CNIH3: variants seen among roughly 807,000 people sequenced by gnomAD.
CNIH3 encodes protein cornichon homolog 3.
CNIH3 carries 14 observed loss-of-function variants against 24.1 expected under a neutral mutation model. The observed-to-expected ratio is 0.58, with a 90% CI of 0.38 to 0.91. The LOEUF (loss-of-function observed/expected upper bound fraction) is 0.91. CNIH3 is among the 40% of genes least tolerant of loss of function. The pLI, the probability that CNIH3 is intolerant of heterozygous loss-of-function variation, is 0.00. For missense variants in CNIH3, 178 were observed against 196.8 expected, an observed-to-expected ratio of 0.90 and a Z score of 0.57; for synonymous variants, 68 against 73.8, an observed-to-expected ratio of 0.92 and a Z score of 0.40.
chr1:224,671,314 A>G (rs1271310993), intron 1 of CNIH3, among the ~76,000 whole-genome samples: 1 of 152,182 alleles, frequency 6.6e-6, no homozygotes, highest in Admixed American at 6.5e-5. Flanking sequence ...TGGAAGTTCA[A>G]CTTCCTCTCC....
intron 1 of CNIH3, among the ~76,000 whole-genome samples, chr1:224,462,749 C>T (rs1485024274): frequency 1.3e-5 from 2 of 150,450 alleles, no homozygotes; most frequent in Non-Finnish European, 3.0e-5. Flanking sequence ...AGGTGATCCT[C>T]CCACCTCAGC....
rs978716096 is a variant in CNIH3, at chr1:224,458,256, C to T, written n.203+23394C>T. On this transcript the variant is annotated intron_variant and non_coding_transcript_variant, in intron 1 of 5. Coordinates refer to the CNIH3 transcript ENST00000471578. The surrounding 1 kb of genome is among the most constrained non-coding windows in gnomAD (Gnocchi z 4.3). The stretch of plus-strand genomic sequence containing the variant: ...CATCGTGTGGCTAGGGTGCCAAAGC[C>T]GAGAAAGGTCCCGTAGTCCCTGTGT... 1.4e-4 allele frequency among the ~76,000 whole-genome samples: 21 copies of T among 152,128 alleles called. No homozygotes were observed. Among genetic ancestry groups the T allele is most frequent in the African/African-American group, 4.8e-4 (20 of 41,406 alleles).
intron 1 of CNIH3, among the ~76,000 whole-genome samples, chr1:224,482,541 C>T (rs965266542): frequency 2.6e-5 from 4 of 152,030 alleles, no homozygotes; most frequent in Non-Finnish European, 5.9e-5. Context: ...TGTTTAGGAG[C>T]TAGGCCCTAG....
At chr1:224,468,979 C>A (rs964585427) in intron 1 of CNIH3, among the ~76,000 whole-genome samples, 18 of 152,012 alleles carry the variant, frequency 1.2e-4, no homozygotes, top group Middle Eastern at 3.2e-3. Context: ...CCTCTCTAAT[C>A]CTAGTTTGTG....
At chr1:224,630,781 G>A (rs1683779431) in intron 1 of CNIH3, among the ~76,000 whole-genome samples, 1 of 152,192 alleles carries the variant, frequency 6.6e-6, no homozygotes, top group African/African-American at 2.4e-5. Flanking sequence ...GGGTGCTTGT[G>A]AGTGTAATTA....
At chr1:224,647,302 C>G (rs757829721) in intron 1 of CNIH3, among the ~76,000 whole-genome samples, 1 of 152,238 alleles carries the variant, frequency 6.6e-6, no homozygotes, top group Non-Finnish European at 1.5e-5. Flanking sequence ...ATTTCAGTGC[C>G]TCTCTGGGCT....
At chr1:224,552,160 A>AC (rs1227656956) in intron 3 of CNIH3, among the ~76,000 whole-genome samples, 1 of 151,424 alleles carries the variant, frequency 6.6e-6, no homozygotes, top group Non-Finnish European at 1.5e-5. Context: ...CAGGGTGTAT[A>AC]CCCCCTGTGA....
At chr1:224,577,361 G>GA (rs545293115) in intron 4 of CNIH3, among the ~76,000 whole-genome samples, 3 of 151,494 alleles carry the variant, frequency 2.0e-5, no homozygotes, top group Non-Finnish European at 2.9e-5. Context: ...AAATCAGCAA[G>GA]AAAAAAACCA....
intron 1 of CNIH3, among the ~76,000 whole-genome samples, chr1:224,632,364 G>A (rs146242269): frequency 9.6e-4 from 146 of 152,240 alleles, no homozygotes; most frequent in Middle Eastern, 3.4e-3. Context: ...CAGATACCTA[G>A]GTTATCCTGC....
intron 1 of CNIH3, among the ~76,000 whole-genome samples, chr1:224,454,774 C>T (rs1418562921): frequency 2.6e-5 from 4 of 152,110 alleles, no homozygotes; most frequent in Non-Finnish European, 5.9e-5. Context: ...AGGCATTTTA[C>T]CTGGCTGAGT....
At chr1:224,546,430 G>A (rs193169959) in intron 2 of CNIH3, among the ~76,000 whole-genome samples, 2 of 152,272 alleles carry the variant, frequency 1.3e-5, no homozygotes, top group East Asian at 3.9e-4. Flanking sequence ...CATGAATTAG[G>A]AGAGACACGA....
chr1:224,506,739 C>T (rs953765155), intron 1 of CNIH3, among the ~76,000 whole-genome samples: 1 of 152,154 alleles, frequency 6.6e-6, no homozygotes, highest in African/African-American at 2.4e-5. Context: ...ACTAGAACTT[C>T]ACATATGTTA....
At chr1:224,441,705 C>G (rs1558460159) in intron 1 of CNIH3, among the ~76,000 whole-genome samples, 1 of 152,084 alleles carries the variant, frequency 6.6e-6, no homozygotes, top group African/African-American at 2.4e-5. Context: ...GCATTTAAAA[C>G]AGAAAAATTT....
chr1:224,442,998 A>G (rs1364698418), intron 1 of CNIH3, among the ~76,000 whole-genome samples: 4 of 152,190 alleles, frequency 2.6e-5, no homozygotes, highest in Admixed American at 2.6e-4. Flanking sequence ...TAAGCCCATT[A>G]GGGACACTAA....
chr1:224,652,487 A>C (rs1572661728), intron 1 of CNIH3, among the ~76,000 whole-genome samples: 1 of 152,082 alleles, frequency 6.6e-6, no homozygotes, highest in East Asian at 1.9e-4. Flanking sequence ...CGTCAGCTGG[A>C]CTCTAGCCAG....
intron 1 of CNIH3, among the ~76,000 whole-genome samples, chr1:224,618,418 G>A (rs1244941842): frequency 1.3e-5 from 2 of 152,226 alleles, no homozygotes; most frequent in East Asian, 1.9e-4. Flanking sequence ...CATACAGTGG[G>A]GATGACCCAA....
chr1:224,718,438 G>A (rs964326552), intron 3 of CNIH3, among the ~76,000 whole-genome samples: 1 of 152,204 alleles, frequency 6.6e-6, no homozygotes, highest in African/African-American at 2.4e-5. Flanking sequence ...GGGCCCAGGG[G>A]CACAGAGGCC....
At chr1:224,652,911 G>A (rs1684927746) in intron 1 of CNIH3, among the ~76,000 whole-genome samples, 1 of 152,164 alleles carries the variant, frequency 6.6e-6, no homozygotes, top group African/African-American at 2.4e-5. Context: ...CTGCACAGGT[G>A]TTCAGAGGGT....
At chr1:224,580,849 T>C (rs755621631) in intron 4 of CNIH3, among the ~76,000 whole-genome samples, 54 of 151,992 alleles carry the variant, frequency 3.6e-4, no homozygotes, top group Non-Finnish European at 8.8e-5. Flanking sequence ...CAGTTAATTA[T>C]GTATTCACCT....
Sources: gnomAD v4.1 joint callset for allele counts (sites outside exome capture counted in the v4.1 genomes callset) on GRCh38, gnomAD v4.1.1 for gene constraint, Gnocchi (gnomAD v3.1) non-coding constraint, MANE v1.5 for transcripts, NCBI Gene and HGNC (gene_info 2026-07-23, HGNC 2026-07-21) for gene names.